Variants in GLIS3 observed in about 807,000 individuals in gnomAD.
The protein encoded by GLIS3 is zinc finger protein GLIS3.
Under a neutral mutation model 78.6 loss-of-function variants are expected in GLIS3, and 53 were observed. That is an observed-to-expected ratio of 0.67 (90% CI 0.54 to 0.85). GLIS3 has a LOEUF of 0.85. Ranked by LOEUF, GLIS3 falls within the 40% of genes least tolerant of loss-of-function variation. The pLI is 0.00. For synonymous variants in GLIS3, 684 were observed against 509.9 expected, an observed-to-expected ratio of 1.34 and a Z score of -4.60; for missense variants, 1,703 against 1,231.1, an observed-to-expected ratio of 1.38 and a Z score of -5.74.
intron 2 of GLIS3, among the ~76,000 whole-genome samples, chr9:4,340,663 G>A (rs1014368289): frequency 1.6e-4 from 24 of 152,192 alleles, no homozygotes; most frequent in East Asian, 7.7e-4. Context: ...GACCGTTGTC[G>A]GAACCAGATC....
chr9:4,470,966 C>T, the GLIS3 span, among the ~76,000 whole-genome samples: 4 of 151,668 alleles, frequency 2.6e-5, no homozygotes, highest in Non-Finnish European at 5.9e-5. Flanking sequence ...CAATAACAGA[C>T]AAACAGAGAG....
chr9:3,909,970 G>A (rs931683369), intron 6 of GLIS3, among the ~76,000 whole-genome samples: 4 of 152,182 alleles, frequency 2.6e-5, no homozygotes, highest in Non-Finnish European at 4.4e-5. Context: ...GTAATGAAGT[G>A]CACAGCACTA....
chr9:4,321,461 A>AAAAAAAT (rs1563932116), intron 2 of GLIS3, among the ~76,000 whole-genome samples: 2 of 141,006 alleles, frequency 1.4e-5, no homozygotes, highest in African/African-American at 5.4e-5. Flanking sequence ...AAAAAAAAAA[A>AAAAAAAT]AATCAGGTGC....
the GLIS3 span, among the ~76,000 whole-genome samples, chr9:4,357,764 T>C: frequency 6.6e-6 from 1 of 152,160 alleles, no homozygotes; most frequent in South Asian, 2.1e-4. Context: ...CCTACAGAAA[T>C]ACCTGGACAT....
chr9:4,287,332 T>C (rs777799424), intron 1 of GLIS3, among the ~76,000 whole-genome samples: 1 of 152,162 alleles, frequency 6.6e-6, no homozygotes, highest in Non-Finnish European at 1.5e-5. Context: ...CATAGTTCCA[T>C]AAAGCTTCCT....
intron 4 of GLIS3, among the ~76,000 whole-genome samples, chr9:3,989,064 T>C (rs1820001478): frequency 6.6e-6 from 1 of 151,918 alleles, no homozygotes; most frequent in East Asian, 1.9e-4. Flanking sequence ...TCAATAGTAA[T>C]AAAACAAGCA....
the GLIS3 span, among the ~76,000 whole-genome samples, chr9:4,419,783 A>T: frequency 6.6e-6 from 1 of 151,830 alleles, no homozygotes; most frequent in Non-Finnish European, 1.5e-5. Flanking sequence ...CTGTCTCAAA[A>T]ACAAACAAAC....
upstream of GLIS3, among the ~76,000 whole-genome samples, chr9:4,351,510 T>C (rs1817971343): frequency 6.6e-6 from 1 of 151,636 alleles, no homozygotes; most frequent in Admixed American, 6.6e-5. Flanking sequence ...AACACAAAAA[T>C]ATCTTTCTCT....
At chr9:4,013,196 T>A (rs1273709707) in intron 4 of GLIS3, among the ~76,000 whole-genome samples, 3 of 151,924 alleles carry the variant, frequency 2.0e-5, no homozygotes, top group East Asian at 1.9e-4. Flanking sequence ...ATCCCCAACC[T>A]CCCAAAAACC....
intron 4 of GLIS3, among the ~76,000 whole-genome samples, chr9:3,965,827 C>T (rs1015187981): frequency 6.6e-6 from 1 of 152,152 alleles, no homozygotes; most frequent in Non-Finnish European, 1.5e-5. Flanking sequence ...TATTTAGACC[C>T]CAGGAAACGA....
intron 2 of GLIS3, among the ~76,000 whole-genome samples, chr9:4,346,244 A>T (rs1271110844): frequency 6.6e-6 from 1 of 152,220 alleles, no homozygotes; most frequent in Non-Finnish European, 1.5e-5. Flanking sequence ...TAAATGATAC[A>T]TAAAGGGAGC....
chr9:4,338,662 G>T (rs1022105218), intron 2 of GLIS3, among the ~76,000 whole-genome samples: 1 of 152,176 alleles, frequency 6.6e-6, no homozygotes, highest in Admixed American at 6.5e-5. Context: ...ACAGACCCAG[G>T]GAGAAAAAGG....
chr9:4,126,430 CTTGA>C (rs1832585563), intron 2 of GLIS3, among the ~76,000 whole-genome samples: 1 of 152,334 alleles, frequency 6.6e-6, no homozygotes, highest in African/African-American at 2.4e-5. Flanking sequence ...TCTCTCTACT[CTTGA>C]TTTTTTTTCT....
At chr9:3,840,432 A>G (rs1015563004) in intron 9 of GLIS3, among the ~76,000 whole-genome samples, 8 of 152,290 alleles carry the variant, frequency 5.3e-5, no homozygotes, top group African/African-American at 1.9e-4. Context: ...CTGACTCTTC[A>G]TTTTAATACA....
At chr9:4,229,775 G>C (rs1822096050) in intron 2 of GLIS3, among the ~76,000 whole-genome samples, 2 of 152,194 alleles carry the variant, frequency 1.3e-5, no homozygotes, top group Non-Finnish European at 2.9e-5. Context: ...TAAAAGCTAA[G>C]TGGAAATTTA....
At chr9:4,097,204 G>T (rs1830018066) in intron 4 of GLIS3, among the ~76,000 whole-genome samples, 1 of 152,084 alleles carries the variant, frequency 6.6e-6, no homozygotes, top group African/African-American at 2.4e-5. Flanking sequence ...CCATCTGCCT[G>T]CCACCAGAAG....
At chr9:3,942,890 CAAAA>C (rs764865256) in intron 4 of GLIS3, among the ~76,000 whole-genome samples, 92 of 151,296 alleles carry the variant, frequency 6.1e-4, no homozygotes, top group Non-Finnish European at 1.3e-3. Flanking sequence ...ATAAAATAAA[CAAAA>C]GAACTAGAAA....
intron 2 of GLIS3, among the ~76,000 whole-genome samples, chr9:4,343,063 G>C (rs547576527): frequency 3.9e-5 from 6 of 152,214 alleles, no homozygotes; most frequent in African/African-American, 1.4e-4. Flanking sequence ...TGAGGCCCAG[G>C]CATGGTGGCT....
At chr9:4,107,594 C>T (rs1017806513) in intron 4 of GLIS3, among the ~76,000 whole-genome samples, 9 of 152,170 alleles carry the variant, frequency 5.9e-5, no homozygotes, top group African/African-American at 1.9e-4. Flanking sequence ...TATTTTAATG[C>T]ATTGCAATAG....
Sources: gnomAD v4.1 joint callset for allele counts (sites outside exome capture counted in the v4.1 genomes callset) on GRCh38, gnomAD v4.1.1 for gene constraint, MANE v1.5 for transcripts, NCBI Gene and HGNC (gene_info 2026-07-23, HGNC 2026-07-21) for gene names.